The following UST variants were observed in gnomAD, a reference collection of about 807,000 sequenced individuals.
UST encodes chondroitin sulfate 2-O-sulfotransferase.
Under a neutral mutation model 45.6 loss-of-function variants are expected in UST, and 21 were observed. The ratio of observed to expected loss-of-function variants is 0.46; its 90% CI spans 0.33 to 0.66. The LOEUF is 0.66. UST is among the 30% of genes least tolerant of loss of function. The pLI, the probability that UST is intolerant of heterozygous loss-of-function variation, is 0.02. For missense variants in UST, 463 were observed against 512.4 expected (o/e 0.90, Z 0.93); for synonymous variants, 215 against 200.6 (o/e 1.07, Z -0.61).
chr6:149,035,336 C>T (rs551513561), intron 7 of UST, among the ~76,000 whole-genome samples: 22 of 152,258 alleles, frequency 1.4e-4, no homozygotes, highest in South Asian at 4.1e-4. Context: ...ATTTATTCCC[C>T]GCTTTATCTC....
chr6:148,887,386 T>C (rs1246812174), intron 2 of UST, among the ~76,000 whole-genome samples: 1 of 152,234 alleles, frequency 6.6e-6, no homozygotes, highest in African/African-American at 2.4e-5. Flanking sequence ...GCCTTCGGGC[T>C]TTGGGGCTAG....
chr6:148,799,549 A>G (rs1219724715), intron 1 of UST, among the ~76,000 whole-genome samples: 2 of 152,066 alleles, frequency 1.3e-5, no homozygotes, highest in Non-Finnish European at 2.9e-5. Context: ...ATGTATTTGC[A>G]TCCCTCCCTA....
At chr6:149,042,169 T>C (rs1776324172) in intron 7 of UST, among the ~76,000 whole-genome samples, 1 of 152,160 alleles carries the variant, frequency 6.6e-6, no homozygotes, top group Non-Finnish European at 1.5e-5. Context: ...GAAACTGAAG[T>C]TTGTATATGA....
chr6:148,949,408 A>G (rs1055098739), intron 3 of UST, among the ~76,000 whole-genome samples: 1 of 118,430 alleles, frequency 8.4e-6, no homozygotes, highest in African/African-American at 3.0e-5. Flanking sequence ...TAATAATAAT[A>G]ATAATAATAA....
intron 1 of UST, among the ~76,000 whole-genome samples, chr6:148,882,044 A>G (rs1778831417): frequency 6.6e-6 from 1 of 152,156 alleles, no homozygotes; most frequent in Non-Finnish European, 1.5e-5. Flanking sequence ...TATAAGGGCA[A>G]AGCATTTATA....
chr6:148,870,965 G>C (rs1778538226), intron 1 of UST, among the ~76,000 whole-genome samples: 1 of 152,066 alleles, frequency 6.6e-6, no homozygotes, highest in Non-Finnish European at 1.5e-5. Flanking sequence ...CAATGGCTGT[G>C]TCCCTCTAAA....
At chr6:148,920,749 C>T (rs556337547) in intron 2 of UST, among the ~76,000 whole-genome samples, 1 of 152,174 alleles carries the variant, frequency 6.6e-6, no homozygotes, top group Non-Finnish European at 1.5e-5. Context: ...AGGCTGCTCT[C>T]GAACTCCCAG....
intron 1 of UST, among the ~76,000 whole-genome samples, chr6:148,784,344 C>G (rs1441974472): frequency 2.0e-5 from 3 of 152,200 alleles, no homozygotes; most frequent in African/African-American, 7.2e-5. Flanking sequence ...CGATGACACT[C>G]TTTTTATGTA....
chr6:148,810,457 G>A (rs112130531), intron 1 of UST, among the ~76,000 whole-genome samples: 30 of 152,192 alleles, frequency 2.0e-4, no homozygotes, highest in Middle Eastern at 3.4e-3. Context: ...AGATATTTCC[G>A]TTTCTATTAC....
intron 4 of UST, among the ~76,000 whole-genome samples, chr6:148,964,079 C>T (rs918296447): frequency 5.9e-5 from 9 of 152,156 alleles, no homozygotes; most frequent in African/African-American, 2.2e-4. Flanking sequence ...CAGAGTGGCC[C>T]CCATCCTCAA....
rs1217861548 is a variant in UST, at chr6:148,747,055, A to C, written c.-376A>C. 1.3e-5 allele frequency among the ~76,000 whole-genome samples: 2 copies of C among 150,812 alleles called. 1 individual carries two copies. Among genetic ancestry groups the C allele is most frequent in the South Asian group, 4.2e-4 (2 of 4,764 alleles). ...AGAGAAGCCTGAACCGGGACAAAAC[A>C]CGCCGAGACCTACAGACACAAAGCC... On this transcript the variant is annotated 5_prime_UTR_variant, in exon 1 of 8. Coordinates refer to ENST00000367463, the MANE Select transcript of UST (RefSeq NM_005715.3).
Position 148,887,072 on chromosome 6 carries a change from C to G in UST, c.291+43C>G, listed in dbSNP as rs558304406. On this transcript the variant is annotated intron_variant, in intron 2 of 7. Transcript: ENST00000367463. Reference sequence around the variant, plus strand: ...GATATAAGTCCCCTTTTTCTTTTATCTTACTTACAGCCTCCAACAAGCAGA... The same window carrying G: ...GATATAAGTCCCCTTTTTCTTTTATGTTACTTACAGCCTCCAACAAGCAGA... The G allele has an allele frequency of 5.6e-5, 85 of 1,512,816 alleles. No individual in the cohort carries two copies. The South Asian group carries it at 8.7e-4, about 16-fold the overall frequency. The allele number at this position is 1,512,816 out of a possible 1,614,324, so 93.7% of individuals were successfully genotyped here.
intron 1 of UST, among the ~76,000 whole-genome samples, chr6:148,869,480 T>G (rs1778509147): frequency 6.6e-6 from 1 of 152,236 alleles, no homozygotes; most frequent in South Asian, 2.1e-4. Flanking sequence ...TAATTTCCAC[T>G]GCTCTATTCA....
chr6:149,014,722 G>T (rs1775868552), intron 5 of UST, among the ~76,000 whole-genome samples: 1 of 152,158 alleles, frequency 6.6e-6, no homozygotes, highest in Non-Finnish European at 1.5e-5. Flanking sequence ...AAGAGCAAAG[G>T]CATGAGATGA....
chr6:148,752,874 G>T (rs1394059338), intron 1 of UST, among the ~76,000 whole-genome samples: 1 of 152,074 alleles, frequency 6.6e-6, no homozygotes, highest in Non-Finnish European at 1.5e-5. Context: ...ATTATTAGGA[G>T]TTGCTGCTTT....
intron 1 of UST, among the ~76,000 whole-genome samples, chr6:148,773,649 G>A (rs969309444): frequency 4.6e-5 from 7 of 151,952 alleles, no homozygotes; most frequent in Non-Finnish European, 7.4e-5. Context: ...CTTTCCGTTG[G>A]GTGACATTTT....
chr6:148,847,275 T>C (rs1778008822), intron 1 of UST, among the ~76,000 whole-genome samples: 1 of 152,216 alleles, frequency 6.6e-6, no homozygotes, highest in Admixed American at 6.5e-5. Flanking sequence ...ACAGTCAAAG[T>C]GTCAGCTGGG....
At chr6:148,768,950 A>G (rs1307316709) in intron 1 of UST, among the ~76,000 whole-genome samples, 2 of 152,214 alleles carry the variant, frequency 1.3e-5, no homozygotes, top group Admixed American at 1.3e-4. Flanking sequence ...TTTTGTCCCC[A>G]CATCTGTGGA....
At chr6:148,962,577 C>T (rs1354531860) in intron 4 of UST, among the ~76,000 whole-genome samples, 1 of 152,160 alleles carries the variant, frequency 6.6e-6, no homozygotes, top group Non-Finnish European at 1.5e-5. Flanking sequence ...GGGGTGTGTA[C>T]AGTAGTTAGC....
Sources: gnomAD v4.1 joint callset for allele counts (sites outside exome capture counted in the v4.1 genomes callset) on GRCh38, gnomAD v4.1.1 for gene constraint, MANE v1.5 for transcripts, NCBI Gene and HGNC (gene_info 2026-07-23, HGNC 2026-07-21) for gene names.